Variants in VIP observed in about 807,000 individuals in gnomAD.
The protein encoded by VIP is VIP peptides.
VIP carries 18 observed loss-of-function variants against 20.1 expected under a neutral mutation model. The ratio of observed to expected loss-of-function variants is 0.90; its 90% CI spans 0.62 to 1.33. VIP has a LOEUF of 1.33. VIP is among the 40% of genes most tolerant of loss of function. The pLI, the probability that VIP is intolerant of heterozygous loss-of-function variation, is 0.00. For synonymous variants in VIP, 70 were observed against 68.1 expected (o/e 1.03, Z -0.14); for missense variants, 209 against 199.4 (o/e 1.05, Z -0.29).
chr6:152,752,346 A>G (rs2099729770), intron 2 of VIP, 62 bp downstream of exon 2: 1 of 1,421,794 alleles, frequency 7.0e-7, no homozygotes, highest in Non-Finnish European at 9.8e-7. Context: ...GGAATTTCCT[A>G]TACATTTTGT....
At chr6:152,758,574 T>C (rs939042794) in intron 6 of VIP, among the ~76,000 whole-genome samples, 3 of 152,072 alleles carry the variant, frequency 2.0e-5, no homozygotes, top group African/African-American at 7.2e-5. Flanking sequence ...AGATCACTTA[T>C]GAGATTCCAT....
intron 2 of VIP, among the ~76,000 whole-genome samples, chr6:152,753,740 A>T (rs1019455637): frequency 6.6e-6 from 1 of 152,142 alleles, no homozygotes; most frequent in African/African-American, 2.4e-5. Context: ...AATACTGAAC[A>T]TCACCAAATC....
At chr6:152,753,277 C>T (rs1229447567) in intron 2 of VIP, among the ~76,000 whole-genome samples, 1 of 152,132 alleles carries the variant, frequency 6.6e-6, no homozygotes, top group East Asian at 1.9e-4. Flanking sequence ...TTCAGACCCA[C>T]AGAGGACTAG....
At chr6:152,755,196 A>G (rs2099730240) in intron 3 of VIP, 73 bp from the exon 4 acceptor site, 3 of 980,768 alleles carry the variant, frequency 3.1e-6, no homozygotes, top group Non-Finnish European at 2.9e-6. Flanking sequence ...TTTTTTTGTT[A>G]TTTAATAAGC....
chr6:152,752,257 C>T lies in VIP; in HGVS notation c.80C>T (p.Pro27Leu), dbSNP rs2099729760. ...CTCTTCTCACAGACTTCGGCATGGC[C>T]TCTTTACAGGGCACCTTCTGCTCTC... ...SVLFSQTSAW[P>L]LYRAPSALRL... The change falls in exon 2 of 7, where the codon CCT becomes CTT. Residue 27 changes from proline (P) to leucine (L), a missense_variant. Transcript: ENST00000367244. The T allele has an allele frequency of 6.2e-7, 1 of 1,613,388 alleles. No homozygotes were observed.
At position 152,757,186 on chromosome 6, in the gene VIP, T is replaced by G. The variant is rs891188075; in HGVS notation, c.*43+2T>G. ...AAAGCTGATGACAACTTCCCAGTGG[T>G]GGGTATATTCGTGCATTCCTTCTGT... On this transcript the variant is annotated splice_donor_variant, in intron 6 of 6. Transcript: ENST00000367244. LOFTEE classifies it low-confidence loss of function (3UTR_SPLICE). 4 of 1,589,174 alleles carry G rather than the reference T, an allele frequency of 2.5e-6. No individual in the cohort carries two copies. The African/African-American group carries it at 5.4e-5, about 21-fold the overall frequency.
intron 5 of VIP, 71 bp downstream of exon 5, chr6:152,756,336 A>G: frequency 6.6e-7 from 1 of 1,515,954 alleles, no homozygotes. Flanking sequence ...GCACATGGAG[A>G]CCTCTCTATC....
At chr6:152,753,527 G>T (rs1370737363) in intron 2 of VIP, among the ~76,000 whole-genome samples, 2 of 152,120 alleles carry the variant, frequency 1.3e-5, no homozygotes, top group Middle Eastern at 6.8e-3. Context: ...TAATACATAA[G>T]ATTAGAAAAA....
intron 1 of VIP, among the ~76,000 whole-genome samples, chr6:152,751,652 AGTAAT>A (rs531213252): frequency 6.6e-6 from 1 of 152,166 alleles, no homozygotes; most frequent in South Asian, 2.1e-4. Context: ...AAGAGGAAAA[AGTAAT>A]GTATATACAA....
chr6:152,752,113 T>A (rs1436305404), intron 1 of VIP, 55 bp from the exon 2 acceptor site: 1 of 1,305,488 alleles, frequency 7.7e-7, no homozygotes, highest in African/African-American at 1.5e-5. Context: ...CAATCAGAAT[T>A]ACCTTGCTGG....
In VIP at chr6:152,752,246, T is replaced by C; in HGVS notation, c.69T>C (p.Thr23=). The change falls in exon 2 of 7, where the codon ACT becomes ACC. Residue 23 remains threonine (T), a synonymous_variant. Coordinates refer to ENST00000367244, the MANE Select transcript of VIP (RefSeq NM_003381.4). ...LTLLSVLFSQ[T]SAWPLYRAPS... ...TTCTCAGTGTGCTCTTCTCACAGAC[T>C]TCGGCATGGCCTCTTTACAGGGCAC... 1 of 1,613,588 alleles carries C rather than the reference T, an allele frequency of 6.2e-7. No individual in the cohort carries two copies.
intron 2 of VIP, among the ~76,000 whole-genome samples, chr6:152,753,589 A>G (rs191727265): frequency 1.2e-4 from 19 of 152,224 alleles, no homozygotes; most frequent in Admixed American, 7.9e-4. Context: ...TAGATGAGCT[A>G]TCCATCTATG....
intron 6 of VIP, among the ~76,000 whole-genome samples, 180 bp downstream of exon 6, chr6:152,757,364 A>T (rs2099730585): frequency 6.6e-6 from 1 of 151,950 alleles, no homozygotes; most frequent in Non-Finnish European, 1.5e-5. Context: ...AGAATGATTC[A>T]TGAAATTTTT....
At position 152,752,276 on chromosome 6, in the gene VIP, T is replaced by G. The variant is rs1362114399; in HGVS notation, c.99T>G (p.Ser33=). 1.2e-6 allele frequency: 2 copies of G among 1,612,492 alleles called. No homozygotes were observed. The highest frequency in any genetic ancestry group is 2.2e-5 in the East Asian group (1 of 44,838). Residue 33 remains serine (S), a synonymous_variant, in exon 2 of 7, where the codon TCT becomes TCG. Transcript: ENST00000367244. ...CATGGCCTCTTTACAGGGCACCTTC[T>G]GCTCTCAGGTAAGTTCCCTTTCAAT... ...TSAWPLYRAP[S]ALRLGDRIPF...
intron 2 of VIP, among the ~76,000 whole-genome samples, chr6:152,753,302 C>T (rs1014679151): frequency 1.3e-5 from 2 of 152,090 alleles, no homozygotes; most frequent in Non-Finnish European, 2.9e-5. Context: ...TAGTGACTCC[C>T]AACTCCCAAA....
rs1357129878 is a variant in VIP, at chr6:152,759,129, C to G, written c.*263C>G. 6.6e-6 allele frequency: 1 copy of G among 152,260 alleles called. No individual in the cohort carries two copies. The highest frequency in any genetic ancestry group is 1.5e-5 in the Non-Finnish European group (1 of 67,922). The allele number at this position is 152,260 out of a possible 1,614,324, so 9.4% of individuals were successfully genotyped here. A position where few individuals can be genotyped will look rare whatever the true frequency, so the allele number is the denominator to read the frequency against. ...CATAAAAAGCCTGCAATTTCATATG[C>G]TGTATATCCTTTCTAACAAAAAAAT... On this transcript the variant is annotated 3_prime_UTR_variant, in exon 7 of 7. Coordinates refer to ENST00000367244, the MANE Select transcript of VIP (RefSeq NM_003381.4).
intron 3 of VIP, 125 bp downstream of exon 3, chr6:152,754,413 T>A: frequency 1.1e-6 from 1 of 885,630 alleles, no homozygotes; most frequent in Non-Finnish European, 1.7e-6. Context: ...GAGGTTTCTA[T>A]GTGTCATGGC....
chr6:152,755,773 C>T (rs971531698), intron 4 of VIP, among the ~76,000 whole-genome samples: 3 of 151,392 alleles, frequency 2.0e-5, no homozygotes, highest in East Asian at 1.9e-4. Flanking sequence ...ATTTAGATGA[C>T]GTTGCTCAGG....
At chr6:152,755,698 A>G (rs1300312527) in intron 4 of VIP, among the ~76,000 whole-genome samples, 1 of 151,930 alleles carries the variant, frequency 6.6e-6, no homozygotes, top group Non-Finnish European at 1.5e-5. Context: ...TTAAGGTCAA[A>G]CAGAATATTC....
Sources: allele counts gnomAD v4.1 joint callset (sites outside exome capture counted in the v4.1 genomes callset), GRCh38; gene constraint gnomAD v4.1.1; transcripts MANE v1.5; gene names NCBI Gene and HGNC (gene_info 2026-07-23, HGNC 2026-07-21).